DNAH7: variants seen among roughly 807,000 people sequenced by gnomAD.
DNAH7 encodes axonemal beta dynein heavy chain 7.
A neutral mutation model predicts 444.6 loss-of-function variants in DNAH7; 397 were observed. That is an observed-to-expected ratio of 0.89 (90% CI 0.82 to 0.97). The LOEUF (loss-of-function observed/expected upper bound fraction) is 0.97, where lower values mean the gene tolerates loss of function less well. Ranked by LOEUF, DNAH7 falls within the 50% of genes least tolerant of loss-of-function variation. The pLI, the probability that DNAH7 is intolerant of heterozygous loss-of-function variation, is 0.00. For missense variants in DNAH7, 4,902 were observed against 4,800.8 expected (o/e 1.02, Z -0.62); for synonymous variants, 1,636 against 1,624.4 (o/e 1.01, Z -0.17).
intron 58 of DNAH7, among the ~76,000 whole-genome samples, chr2:195,778,360 G>T (rs560730106): frequency 6.6e-6 from 1 of 151,448 alleles, no homozygotes; most frequent in Non-Finnish European, 1.5e-5. Context: ...TCAGAGGGCC[G>T]GGCATGGTGG....
chr2:195,770,621 G>C (rs771148316), intron 61 of DNAH7, among the ~76,000 whole-genome samples: 1 of 152,032 alleles, frequency 6.6e-6, no homozygotes, highest in Admixed American at 6.6e-5. Flanking sequence ...TCCTCAGAGG[G>C]ACCTGACCCA....
chr2:195,835,718 C>T (rs951007021), intron 47 of DNAH7, among the ~76,000 whole-genome samples: 18 of 150,634 alleles, frequency 1.2e-4, no homozygotes, highest in African/African-American at 4.4e-4. Context: ...GTGGTGCATG[C>T]CTGTAATCCC....
chr2:195,874,069 G>A (rs576994931), intron 38 of DNAH7, among the ~76,000 whole-genome samples: 9 of 152,058 alleles, frequency 5.9e-5, no homozygotes, highest in Non-Finnish European at 1.0e-4. Context: ...CAATATTAAC[G>A]TAACTCTGGT....
chr2:195,976,790 T>TGAGAGAGAGAGAGAGAGAGAGAGA (rs1692241327), intron 15 of DNAH7, among the ~76,000 whole-genome samples: 1 of 45,266 alleles, frequency 2.2e-5, no homozygotes, highest in Non-Finnish European at 7.7e-5. Context: ...AGAGAGAGAC[T>TGAGAGAGAGAGAGAGAGAGAGAGA]CTCTAATTAT....
intron 57 of DNAH7, 28 bp downstream of exon 57, chr2:195,794,310 G>A (rs17442764): frequency 0.073 from 117,902 of 1,611,416 alleles, 5,798 homozygotes; most frequent in East Asian, 0.2. Flanking sequence ...TTACAGGGCC[G>A]AGGTAACAAG....
At chr2:195,748,726 G>A (rs1366861933) in intron 63 of DNAH7, among the ~76,000 whole-genome samples, 2 of 152,158 alleles carry the variant, frequency 1.3e-5, no homozygotes, top group East Asian at 3.8e-4. Flanking sequence ...AGAAAAACAA[G>A]CAATGGGGAA....
chr2:195,837,658 C>T (rs1698444243), intron 47 of DNAH7, among the ~76,000 whole-genome samples: 1 of 151,076 alleles, frequency 6.6e-6, no homozygotes, highest in Non-Finnish European at 1.5e-5. Flanking sequence ...TCATGTTTTG[C>T]TTTTTTTTTA....
At chr2:196,006,388 T>G (rs1435438727) in intron 10 of DNAH7, among the ~76,000 whole-genome samples, 1 of 151,932 alleles carries the variant, frequency 6.6e-6, no homozygotes, top group Non-Finnish European at 1.5e-5. Flanking sequence ...ACATGAAAAA[T>G]CAATGTAATA....
intron 19 of DNAH7, among the ~76,000 whole-genome samples, chr2:195,951,743 T>C (rs143163520): frequency 0.061 from 9,329 of 152,240 alleles, 387 homozygotes; most frequent in African/African-American, 0.12. Context: ...TATCAGAGAC[T>C]AGGATTGCAA....
chr2:195,794,646 G>A lies in DNAH7; in HGVS notation c.10516-108C>T, dbSNP rs1696052560. The A allele has an allele frequency of 9.8e-6, 10 of 1,018,174 alleles. No individual in the cohort carries two copies. The South Asian group carries it at 1.2e-4, about 12-fold the overall frequency. 63.1% of individuals were successfully genotyped at this position (1,018,174 alleles called of 1,614,324 possible). Reference sequence around the variant, plus strand: ...AAGGGGGAGGAAGTATTTTTACAAAGTAGAAATGTAACTGCTGCAATTTTC... The same window carrying A: ...AAGGGGGAGGAAGTATTTTTACAAAATAGAAATGTAACTGCTGCAATTTTC... On this transcript the variant is annotated intron_variant, in intron 56 of 64. Coordinates refer to ENST00000312428, the MANE Select transcript of DNAH7 (RefSeq NM_018897.3).
intron 19 of DNAH7, among the ~76,000 whole-genome samples, chr2:195,939,498 G>A (rs1000657319): frequency 1.3e-5 from 2 of 152,070 alleles, no homozygotes; most frequent in Non-Finnish European, 2.9e-5. Context: ...CAGAAGGCTG[G>A]TACTTCATAG....
chr2:195,947,603 T>C (rs142848676), intron 19 of DNAH7, among the ~76,000 whole-genome samples: 1,584 of 152,238 alleles, frequency 0.01, 26 homozygotes, highest in African/African-American at 0.035. Flanking sequence ...TTCATTCATG[T>C]CCCTGTAAAG....
At position 195,771,898 on chromosome 2, in the gene DNAH7, G is replaced by A; in HGVS notation, c.11203-8C>T. 1 of 1,612,206 alleles carries A rather than the reference G, an allele frequency of 6.2e-7. No individual in the cohort carries two copies. Among genetic ancestry groups the A allele is most frequent in the Admixed American group, 1.7e-5 (1 of 60,008 alleles). On this transcript the variant is annotated splice_polypyrimidine_tract_variant and splice_region_variant and intron_variant, in intron 60 of 64. Coordinates refer to ENST00000312428, the MANE Select transcript of DNAH7 (RefSeq NM_018897.3). ...AGCACCTGCTGAACGAGACTATGAA[G>A]AATCCAAACTATAACTCAAAAATCC...
In DNAH7 at chr2:195,984,539, C is replaced by T. The variant is rs533330568; in HGVS notation, c.1833+93G>A. 3.8e-5 allele frequency: 46 copies of T among 1,224,950 alleles called. No homozygotes were observed. The African/African-American group carries it at 6.7e-4, about 18-fold the overall frequency. The allele number at this position is 1,224,950 out of a possible 1,614,324, so 75.9% of individuals were successfully genotyped here. On this transcript the variant is annotated intron_variant, in intron 15 of 64. Transcript: ENST00000312428. Reference sequence around the variant, plus strand: ...ATTGAAAGTCATTATTATTTTTAATCTGTCTTAACTTTTCGAGTGATTTGT... The same window carrying T: ...ATTGAAAGTCATTATTATTTTTAATTTGTCTTAACTTTTCGAGTGATTTGT...
intron 29 of DNAH7, 44 bp from the exon 30 acceptor site, chr2:195,895,268 A>G (rs762255209): frequency 1.1e-5 from 14 of 1,307,256 alleles, no homozygotes; most frequent in Non-Finnish European, 1.4e-5. Context: ...ATATATTTAT[A>G]TTAAATACAA....
chr2:195,892,983 G>A (rs1250182998), intron 30 of DNAH7: 2 of 150,134 alleles, frequency 1.3e-5, no homozygotes, highest in Non-Finnish European at 2.9e-5. Context: ...CTCTCACTCT[G>A]TCACCCAGGC....
rs1419840407 is a variant in DNAH7 at position 195,756,263 on chromosome 2, T to C, written c.11456A>G (p.Asp3819Gly). The C allele has an allele frequency of 6.2e-7, 1 of 1,612,832 alleles. No homozygotes were observed. The highest frequency in any genetic ancestry group is 1.3e-5 in the African/African-American group (1 of 74,882). Reference sequence around the variant, plus strand: ...AATGCTGCTAACCACTTCTTCAAGATCTGTAGACATGACTGCAAGCCCCTG... The same window carrying C: ...AATGCTGCTAACCACTTCTTCAAGACCTGTAGACATGACTGCAAGCCCCTG... ...AIKGLAVMSTDLEEVVSSILN... is the reference protein window; with the variant it reads ...AIKGLAVMSTGLEEVVSSILN... The change falls in exon 62 of 65, where the codon GAT (aspartate) becomes GGT (glycine). Residue 3819 changes from aspartate (D) to glycine (G), a missense_variant. Asp to Gly is a moderately conservative substitution (Grantham distance 94). Coordinates refer to ENST00000312428, the MANE Select transcript of DNAH7 (RefSeq NM_018897.3).
chr2:196,012,653 A>G (rs1162336929), intron 10 of DNAH7, 134 bp downstream of exon 10: 1 of 896,344 alleles, frequency 1.1e-6, no homozygotes, highest in Non-Finnish European at 1.6e-6. Flanking sequence ...AAGATAATTA[A>G]AGATATTATA....
At chr2:196,053,548 T>C (rs146023874) in intron 2 of DNAH7, among the ~76,000 whole-genome samples, 321 of 152,114 alleles carry the variant, frequency 2.1e-3, no homozygotes, top group Non-Finnish European at 3.7e-3. Context: ...GGGACTAGAG[T>C]CAGCAGTGAG....
Sources: gnomAD v4.1 joint callset for allele counts (sites outside exome capture counted in the v4.1 genomes callset) on GRCh38, gnomAD v4.1.1 for gene constraint, MANE v1.5 for transcripts, NCBI Gene and HGNC (gene_info 2026-07-23, HGNC 2026-07-21) for gene names.